PLEKHA1: variants seen among roughly 807,000 people sequenced by gnomAD.
PLEKHA1 encodes the protein pleckstrin homology domain containing A1, also known as pleckstrin homology domain-containing family A member 1.
Under a neutral mutation model 52.0 loss-of-function variants are expected in PLEKHA1, and 34 were observed. The observed-to-expected ratio is 0.65, with a 90% CI of 0.50 to 0.87. PLEKHA1 has a LOEUF of 0.87. PLEKHA1 is among the 40% of genes least tolerant of loss of function. The probability of loss-of-function intolerance (pLI) is 0.00; values close to 1 mark genes in which losing one functional copy is unlikely to be tolerated. For synonymous variants in PLEKHA1, 163 were observed against 170.7 expected (o/e 0.95, Z 0.35); for missense variants, 497 against 504.2 (o/e 0.99, Z 0.14).
At chr10:122,403,762 G>A (rs2096964454) in intron 4 of PLEKHA1, among the ~76,000 whole-genome samples, 1 of 151,976 alleles carries the variant, frequency 6.6e-6, no homozygotes, top group South Asian at 2.1e-4. Flanking sequence ...TGTAATCTTG[G>A]CTCACTGCAA....
At chr10:122,436,637 C>T (rs145835832), downstream of PLEKHA1, 100 of 152,018 alleles carry the variant, frequency 6.6e-4, no homozygotes, top group African/African-American at 2.3e-3. Flanking sequence ...AGGAATCTGC[C>T]GAAAGAAAAT....
intron 11 of PLEKHA1, chr10:122,428,149 T>C (rs2133673228): frequency 1.1e-6 from 1 of 870,464 alleles, no homozygotes; most frequent in East Asian, 3.3e-5. Flanking sequence ...AGAAGGATGT[T>C]TGTGTTTTGT....
At chr10:122,427,328 G>T (rs1216230473) in intron 11 of PLEKHA1, among the ~76,000 whole-genome samples, 1 of 152,158 alleles carries the variant, frequency 6.6e-6, no homozygotes, top group Non-Finnish European at 1.5e-5. Flanking sequence ...TCTAGATTTG[G>T]CATAATCTGA....
intron 2 of PLEKHA1, among the ~76,000 whole-genome samples, chr10:122,395,003 T>C (rs1245439133): frequency 6.6e-6 from 1 of 152,210 alleles, no homozygotes; most frequent in African/African-American, 2.4e-5. Flanking sequence ...GTTACACAGC[T>C]AGTAGAAGGA....
At chr10:122,433,529 CT>C (rs3841637), downstream of PLEKHA1, 150,332 of 151,042 alleles carry the variant, frequency 1, 74,817 homozygotes, top group East Asian at 1. Flanking sequence ...GCTTAGTGTT[CT>C]TTTTTTTTTT....
intron 5 of PLEKHA1, among the ~76,000 whole-genome samples, chr10:122,409,307 G>A (rs984473706): frequency 6.6e-6 from 1 of 152,158 alleles, no homozygotes; most frequent in Admixed American, 6.5e-5. Flanking sequence ...TGGACCATCT[G>A]TATTAAACAT....
At chr10:122,411,679 T>C (rs1400116015) in intron 5 of PLEKHA1, 1 of 152,236 alleles carries the variant, frequency 6.6e-6, no homozygotes, top group Non-Finnish European at 1.5e-5. Flanking sequence ...ATAATGTTCC[T>C]GGGTGATACT....
chr10:122,433,928 T>G (rs2097429142), downstream of PLEKHA1: 1 of 148,180 alleles, frequency 6.7e-6, no homozygotes, highest in Admixed American at 6.6e-5. Flanking sequence ...AAGCTTTAAT[T>G]TTTTTAGTAT....
chr10:122,432,840 T>C (rs1050150202), downstream of PLEKHA1: 1 of 152,172 alleles, frequency 6.6e-6, no homozygotes, highest in Non-Finnish European at 1.5e-5. Flanking sequence ...GTGAACACCA[T>C]ATACAGGGCC....
intron 1 of PLEKHA1, among the ~76,000 whole-genome samples, chr10:122,391,988 A>G (rs2096782477): frequency 6.6e-6 from 1 of 152,166 alleles, no homozygotes; most frequent in African/African-American, 2.4e-5. Context: ...ATAAATAGTT[A>G]TGTAAATTCA....
intron 1 of PLEKHA1, among the ~76,000 whole-genome samples, chr10:122,379,484 A>G (rs143727045): frequency 6.1e-4 from 93 of 152,316 alleles, no homozygotes; most frequent in African/African-American, 2.1e-3. Flanking sequence ...GGAGAATGGG[A>G]TGCAAGTCTG....
At chr10:122,407,214 A>T (rs911685890) in intron 5 of PLEKHA1, among the ~76,000 whole-genome samples, 3 of 152,172 alleles carry the variant, frequency 2.0e-5, no homozygotes, top group African/African-American at 4.8e-5. Context: ...AGTTTGTCTC[A>T]GGCTCTAAAC....
chr10:122,404,442 T>C (rs1295045450), intron 4 of PLEKHA1, among the ~76,000 whole-genome samples: 1 of 152,214 alleles, frequency 6.6e-6, no homozygotes, highest in Non-Finnish European at 1.5e-5. Context: ...AAGTGTAGTA[T>C]ATTAGTAAGT....
intron 10 of PLEKHA1, chr10:122,425,580 G>C (rs2097326781): frequency 6.6e-6 from 1 of 152,088 alleles, no homozygotes; most frequent in African/African-American, 2.4e-5. Flanking sequence ...TTAGCCAGCC[G>C]TGGTGGTGTG....
intron 9 of PLEKHA1, 126 bp from the exon 10 acceptor site, chr10:122,424,770 T>A (rs2097313160): frequency 1.8e-6 from 1 of 552,994 alleles, no homozygotes; most frequent in Non-Finnish European, 3.0e-6. Context: ...AAAAGATAAT[T>A]TGGGTTTGCT....
intron 1 of PLEKHA1, among the ~76,000 whole-genome samples, chr10:122,392,913 A>G (rs1216436335): frequency 6.6e-6 from 1 of 152,136 alleles, no homozygotes; most frequent in Non-Finnish European, 1.5e-5. Context: ...GGGTTTTTTT[A>G]GGGAAAAAGT....
intron 5 of PLEKHA1, among the ~76,000 whole-genome samples, chr10:122,409,609 A>G (rs1367788385): frequency 1.3e-5 from 2 of 152,176 alleles, no homozygotes; most frequent in Non-Finnish European, 2.9e-5. Flanking sequence ...GAATCTAAAA[A>G]TTAGTACTTT....
chr10:122,411,397 C>T (rs956671813), intron 5 of PLEKHA1, among the ~76,000 whole-genome samples: 3 of 152,196 alleles, frequency 2.0e-5, no homozygotes, highest in African/African-American at 7.2e-5. Flanking sequence ...CTTTCATATA[C>T]ACATGGACCA....
Position 122,393,279 on chromosome 10 carries a change from C to T in PLEKHA1, c.79C>T (p.Arg27Ter), listed in dbSNP as rs772494815. 3 of 1,612,758 alleles carry T rather than the reference C, an allele frequency of 1.9e-6. No individual in the cohort carries two copies. The highest frequency in any genetic ancestry group is 1.7e-5 in the Admixed American group (1 of 59,874). Residue 27 changes from arginine (R) to a stop codon, truncating the protein, a stop_gained, in exon 2 of 12, where the codon CGA (arginine) becomes TGA (stop). Coordinates refer to ENST00000368990, the MANE Select transcript of PLEKHA1 (RefSeq NM_001001974.4). LOFTEE classifies it high-confidence loss of function. The surrounding 1 kb of genome is among the most constrained non-coding windows in gnomAD (Gnocchi z 4.5). The stretch of plus-strand genomic sequence containing the variant: ...AAATGAAAACAGTGGGAAATTTCTT[C>T]GAAGGTACTTCATACTGGATACCAG... ...EENENSGKFLRRYFILDTRED... is the reference protein window; with the variant it reads ...EENENSGKFL
Sources: allele counts gnomAD v4.1 joint callset (sites outside exome capture counted in the v4.1 genomes callset), GRCh38; gene constraint gnomAD v4.1.1; non-coding constraint Gnocchi (gnomAD v3.1); transcripts MANE v1.5; gene names NCBI Gene and HGNC (gene_info 2026-07-23, HGNC 2026-07-21).